The following HACL1 variants were observed in gnomAD, a reference collection of about 807,000 sequenced individuals.
HACL1 encodes the protein 2-hydroxyacyl-CoA lyase 1, also known as 1600020H07Rik.
In HACL1, 64 loss-of-function variants were observed where a neutral mutation model predicts 74.2. The ratio of observed to expected loss-of-function variants is 0.86; its 90% CI spans 0.70 to 1.06. The LOEUF (loss-of-function observed/expected upper bound fraction) is 1.06, where lower values mean the gene tolerates loss of function less well. Among genes scored for constraint, HACL1 ranks in the 50% least tolerant of loss-of-function variants. The pLI is 0.00. For synonymous variants in HACL1, 230 were observed against 238.8 expected, an observed-to-expected ratio of 0.96 and a Z score of 0.34; for missense variants, 728 against 719.7, an observed-to-expected ratio of 1.01 and a Z score of -0.13.
intron 9 of HACL1, among the ~76,000 whole-genome samples, chr3:15,576,499 T>C (rs1420932345): frequency 2.0e-5 from 3 of 152,312 alleles, no homozygotes; most frequent in African/African-American, 7.2e-5. Context: ...TCTACTTTCG[T>C]AAACAACCAC....
At chr3:15,568,651 A>G in intron 12 of HACL1, 65 bp from the exon 13 acceptor site, 2 of 909,226 alleles carry the variant, frequency 2.2e-6, no homozygotes, top group Non-Finnish European at 3.4e-6. Context: ...CAATGTTAAT[A>G]AGATGCTATC....
At chr3:15,571,605 A>C (rs1238908810) in intron 12 of HACL1, 63 bp downstream of exon 12, 2 of 812,498 alleles carry the variant, frequency 2.5e-6, no homozygotes, top group African/African-American at 3.4e-5. Context: ...ATGTCACATT[A>C]CGGCAGAAGT....
chr3:15,586,567 G>T lies in HACL1; in HGVS notation c.417C>A (p.Ala139=). 6.2e-7 allele frequency: 1 copy of T among 1,600,762 alleles called. No homozygotes were observed. The highest frequency in any genetic ancestry group is 8.6e-7 in the Non-Finnish European group (1 of 1,169,256). The part of the protein sequence containing the change: ...EACRLYTKFS[A]RPSSIEAIPF... The stretch of plus-strand genomic sequence containing the variant: ...GAATAGCTTCTATGCTGCTTGGGCG[G>T]GCAGAGAACTTGGTATATAATCTAC... Residue 139 remains alanine (A), a synonymous_variant, in exon 6 of 17, where the codon GCC becomes GCA. Transcript: ENST00000321169.
intron 14 of HACL1, among the ~76,000 whole-genome samples, chr3:15,566,310 A>G (rs747016836): frequency 1.3e-4 from 20 of 152,210 alleles, no homozygotes; most frequent in African/African-American, 2.7e-4. Flanking sequence ...ATGAATTCTC[A>G]TAACTACACA....
At position 15,589,631 on chromosome 3, in the gene HACL1, T is replaced by A. The variant is rs200529530; in HGVS notation, c.309-19A>T. 3.1e-4 allele frequency: 460 copies of A among 1,500,358 alleles called. 2 individuals are homozygous for A. The highest frequency in any genetic ancestry group is 1.3e-3 in the South Asian group (116 of 87,936). 92.9% of individuals were successfully genotyped at this position (1,500,358 alleles called of 1,614,324 possible). On this transcript the variant is annotated intron_variant, in intron 4 of 16. Coordinates refer to ENST00000321169, the MANE Select transcript of HACL1 (RefSeq NM_012260.4). ...CAAGGGCCTGAAACAATCATTTTTT[T>A]AACAAGATAATTACAAATTAGATCA...
chr3:15,562,066 A>G (rs1445306845), intron 16 of HACL1, among the ~76,000 whole-genome samples: 1 of 152,188 alleles, frequency 6.6e-6, no homozygotes, highest in Non-Finnish European at 1.5e-5. Flanking sequence ...TGGTTACCAA[A>G]CTAACATCCC....
chr3:15,592,530 A>ATGTACGCACATGTGTGCG (rs1559561898), intron 3 of HACL1, among the ~76,000 whole-genome samples: 10 of 144,004 alleles, frequency 6.9e-5, no homozygotes, highest in Admixed American at 2.8e-4. Flanking sequence ...ACATATACAC[A>ATGTACGCACATGTGTGCG]TGTATACACA....
In HACL1 at chr3:15,596,290, A is replaced by C. The variant is rs933505582; in HGVS notation, c.227+94T>G. 2.7e-5 allele frequency: 19 copies of C among 714,472 alleles called. No homozygotes were observed. In the Admixed American group the frequency reaches 3.4e-4, roughly 13 times the overall value. The allele number at this position is 714,472 out of a possible 1,614,324, so 44.3% of individuals were successfully genotyped here. ...TTTGTTATTTAATATATTTTTCTAT[A>C]ATCTTTCCAAATGAACTCATCCTTC... On this transcript the variant is annotated intron_variant, in intron 3 of 16. Coordinates refer to ENST00000321169, the MANE Select transcript of HACL1 (RefSeq NM_012260.4).
rs1319933607 is a variant in HACL1, at chr3:15,573,251, G to A, written c.910-9C>T. 6.4e-7 allele frequency: 1 copy of A among 1,554,024 alleles called. No homozygotes were observed. The highest frequency in any genetic ancestry group is 8.9e-7 in the Non-Finnish European group (1 of 1,126,334). ...TCTGCACAGATATCAACCTAAAAAA[G>A]AGACAAGGCTAAAGAACAACCCATG... On this transcript the variant is annotated splice_polypyrimidine_tract_variant and intron_variant, in intron 10 of 16. Transcript: ENST00000321169.
rs758663590 is a variant in HACL1, at chr3:15,592,133, C to A, written c.228-453G>T. Among the ~76,000 whole-genome samples the A allele has an allele frequency of 4.1e-4, 60 of 147,600 alleles. 1 individual carries two copies. The highest frequency in any genetic ancestry group is 8.7e-4 in the Non-Finnish European group (58 of 66,920). ...TATACACACTATATACGTATACATA[C>A]GTGTATATATGTATACATACGTATA... On this transcript the variant is annotated intron_variant, in intron 3 of 16. Coordinates refer to ENST00000321169, the MANE Select transcript of HACL1 (RefSeq NM_012260.4).
intron 11 of HACL1, 119 bp downstream of exon 11, chr3:15,573,040 T>C: frequency 1.6e-6 from 1 of 615,808 alleles, no homozygotes; most frequent in Non-Finnish European, 2.9e-6. Context: ...AATCATACAT[T>C]TTGTTTAAAA....
At chr3:15,567,753 G>A (rs1181602396) in intron 14 of HACL1, 91 bp downstream of exon 14, 36 of 1,188,356 alleles carry the variant, frequency 3.0e-5, no homozygotes, top group South Asian at 1.4e-4. Flanking sequence ...CCTGGTGAAC[G>A]CTTCATAAGT....
Position 15,601,137 on chromosome 3 carries a change from C to A in HACL1, c.139G>T (p.Ala47Ser), listed in dbSNP as rs2064219074. ...GIPVTEIAIAAQQLGIKYIGM... is the reference protein window; with the variant it reads ...GIPVTEIAIASQQLGIKYIGM... ...ATGTACTTGATGCCTAGCTGCTGGGCAGCAATGGCGATTTCGGTCACTGGG... is the reference window on the plus strand; with the variant it reads ...ATGTACTTGATGCCTAGCTGCTGGGAAGCAATGGCGATTTCGGTCACTGGG... Residue 47 changes from alanine (A) to serine (S), a missense_variant, in exon 2 of 17, where the codon GCC (alanine) becomes TCC (serine). Coordinates refer to ENST00000321169, the MANE Select transcript of HACL1 (RefSeq NM_012260.4). 2 of 1,613,964 alleles carry A rather than the reference C, an allele frequency of 1.2e-6. No individual in the cohort carries two copies. Among genetic ancestry groups the A allele is most frequent in the Non-Finnish European group, 1.7e-6 (2 of 1,179,814 alleles).
chr3:15,575,186 A>G, intron 9 of HACL1, 104 bp from the exon 10 acceptor site: 2 of 601,588 alleles, frequency 3.3e-6, no homozygotes, highest in Non-Finnish European at 6.1e-6. Context: ...TGGAGCTTAC[A>G]TCAGACTTCA....
chr3:15,596,307 T>C, intron 3 of HACL1, 77 bp downstream of exon 3: 1 of 773,918 alleles, frequency 1.3e-6, no homozygotes. Flanking sequence ...CCAAATGAAC[T>C]CATCCTTCAG....
chr3:15,582,696 G>A (rs1221853056), intron 8 of HACL1, among the ~76,000 whole-genome samples, 181 bp downstream of exon 8: 1 of 152,058 alleles, frequency 6.6e-6, no homozygotes, highest in African/African-American at 2.4e-5. Flanking sequence ...CCTTAAAAGG[G>A]TGAAATCTCT....
At chr3:15,576,154 CAAAAA>C (rs1185744343) in intron 9 of HACL1, among the ~76,000 whole-genome samples, 2 of 62,480 alleles carry the variant, frequency 3.2e-5, no homozygotes, top group East Asian at 4.2e-4. Context: ...GACTCTGTCT[CAAAAA>C]AAAAAAAAAA....
At chr3:15,600,096 TC>T (rs1337583023) in intron 2 of HACL1, among the ~76,000 whole-genome samples, 2 of 152,254 alleles carry the variant, frequency 1.3e-5, no homozygotes, top group African/African-American at 2.4e-5. Context: ...ATAAAGAATG[TC>T]ATTCAATAAA....
intron 2 of HACL1, among the ~76,000 whole-genome samples, chr3:15,598,790 G>A (rs1030260863): frequency 6.6e-6 from 1 of 152,292 alleles, no homozygotes; most frequent in Non-Finnish European, 1.5e-5. Flanking sequence ...ACTACCCTTA[G>A]TTCAGGTACC....
Sources: gnomAD v4.1 joint callset for allele counts (sites outside exome capture counted in the v4.1 genomes callset) on GRCh38, gnomAD v4.1.1 for gene constraint, MANE v1.5 for transcripts, NCBI Gene and HGNC (gene_info 2026-07-23, HGNC 2026-07-21) for gene names.